The following SMARCA2 variants were observed in gnomAD, a reference collection of about 807,000 sequenced individuals.
The protein encoded by SMARCA2 is SWI/SNF-related matrix-associated actin-dependent regulator of chromatin subfamily A member 2.
A neutral mutation model predicts 199.8 loss-of-function variants in SMARCA2; 61 were observed. The ratio of observed to expected loss-of-function variants is 0.31; its 90% CI spans 0.25 to 0.38. The LOEUF is 0.38. Ranked by LOEUF, SMARCA2 falls within the 10% of genes least tolerant of loss-of-function variation. SMARCA2 has a pLI of 1.00. For synonymous variants in SMARCA2, 935 were observed against 732.0 expected (o/e 1.28, Z -4.48); for missense variants, 1,344 against 2,012.2 (o/e 0.67, Z 6.35).
chr9:2,097,636 A>C (rs1008522654), intron 21 of SMARCA2, among the ~76,000 whole-genome samples, 165 bp downstream of exon 21: 10 of 152,186 alleles, frequency 6.6e-5, no homozygotes, highest in Non-Finnish European at 1.0e-4. Flanking sequence ...ATTAACAAAC[A>C]TGAGTATTCT....
At chr9:2,073,409 C>T in intron 11 of SMARCA2, 67 bp downstream of exon 11, 1 of 1,592,456 alleles carries the variant, frequency 6.3e-7, no homozygotes, top group Non-Finnish European at 8.6e-7. Context: ...CTTGTACGAT[C>T]TCGAAACTAA....
intron 26 of SMARCA2, among the ~76,000 whole-genome samples, chr9:2,121,653 T>C (rs1174481608): frequency 1.3e-5 from 2 of 152,206 alleles, no homozygotes; most frequent in Non-Finnish European, 2.9e-5. Context: ...GCAAACTTAT[T>C]ATTTGATTTT....
intron 20 of SMARCA2, 70 bp from the exon 21 acceptor site, chr9:2,097,315 A>T: frequency 1.0e-6 from 1 of 966,686 alleles, no homozygotes; most frequent in Non-Finnish European, 1.6e-6. Flanking sequence ...TAAGAAGCCC[A>T]GTGTGAAGGA....
chr9:2,084,417 T>TGTGTGTGTGTG (rs3834888), intron 17 of SMARCA2, among the ~76,000 whole-genome samples: 4 of 147,686 alleles, frequency 2.7e-5, no homozygotes, highest in African/African-American at 1.0e-4. Flanking sequence ...TGTGTGTGTG[T>TGTGTGTGTGTG]TTATGATTGA....
chr9:2,146,231 C>CT lies in SMARCA2; in HGVS notation c.3982-15449dup, dbSNP rs550533072. On this transcript the variant is annotated intron_variant, in intron 27 of 33. Transcript: ENST00000349721. ...AAGGGACATGGGAGCTCTTTGGGGT[C>CT]TTTTTTAATAAGGGCACTATTCCCA... 3.5e-4 allele frequency among the ~76,000 whole-genome samples: 53 copies of CT among 152,108 alleles called. 2 individuals carry two copies. The East Asian group carries it at 0.01, about 29-fold the overall frequency.
intron 5 of SMARCA2, among the ~76,000 whole-genome samples, chr9:2,050,288 A>G (rs1820058278): frequency 6.6e-6 from 1 of 151,152 alleles, no homozygotes. Context: ...TATTACTTCC[A>G]TAGTAAGTGT....
chr9:2,078,294 A>AT, intron 14 of SMARCA2, among the ~76,000 whole-genome samples: 1 of 152,074 alleles, frequency 6.6e-6, no homozygotes, highest in East Asian at 1.9e-4. Context: ...CAACATGGTG[A>AT]AACCCTCTCT....
chr9:2,088,879 A>ATTTTTT (rs375056248), intron 19 of SMARCA2, among the ~76,000 whole-genome samples: 65 of 137,968 alleles, frequency 4.7e-4, no homozygotes, highest in Non-Finnish European at 6.4e-4. Context: ...TTAATTTTAG[A>ATTTTTT]TTTTTTTTTT....
At chr9:2,128,866 C>T (rs1334540595) in intron 27 of SMARCA2, among the ~76,000 whole-genome samples, 2 of 152,126 alleles carry the variant, frequency 1.3e-5, no homozygotes, top group East Asian at 3.9e-4. Context: ...GCATTTCAAC[C>T]CAGCTGCAAT....
intron 27 of SMARCA2, among the ~76,000 whole-genome samples, chr9:2,137,903 G>T (rs1824279068): frequency 6.6e-6 from 1 of 152,152 alleles, no homozygotes; most frequent in African/African-American, 2.4e-5. Context: ...GGTAGAAATT[G>T]TCATTCTCTC....
intron 29 of SMARCA2, among the ~76,000 whole-genome samples, chr9:2,174,779 G>A (rs113124485): frequency 1.3e-5 from 2 of 151,682 alleles, no homozygotes; most frequent in Admixed American, 6.6e-5. Context: ...AATGAGGTGG[G>A]TGTGGTGGCA....
chr9:2,098,985 G>A (rs576210282), intron 21 of SMARCA2, among the ~76,000 whole-genome samples: 1 of 151,640 alleles, frequency 6.6e-6, no homozygotes, highest in Non-Finnish European at 1.5e-5. Context: ...TACATGTATT[G>A]TTGAAGGGGA....
At chr9:2,151,083 A>G (rs1825043877) in intron 27 of SMARCA2, among the ~76,000 whole-genome samples, 1 of 151,466 alleles carries the variant, frequency 6.6e-6, no homozygotes, top group Non-Finnish European at 1.5e-5. Context: ...TGCACATAAA[A>G]CACAGACTTT....
rs1473763469 is a variant in SMARCA2 at position 2,182,013 on chromosome 9, G to GT, written c.4360-127dup. The GT allele has an allele frequency of 8.0e-6, 6 of 751,016 alleles. No homozygotes were observed. In the African/African-American group the frequency reaches 1.0e-4, roughly 13 times the overall value. The allele number at this position is 751,016 out of a possible 1,614,324, so 46.5% of individuals were successfully genotyped here. A position where few individuals can be genotyped will look rare whatever the true frequency, so the allele number is the denominator to read the frequency against. ...GAATGGCGCCCCCTGGGGTTATGCA[G>GT]TCCCAGATCCCTGGCAGGGCTTTAT... On this transcript the variant is annotated intron_variant, in intron 30 of 33. Coordinates refer to ENST00000349721, the MANE Select transcript of SMARCA2 (RefSeq NM_003070.5).
At chr9:2,071,526 T>C (rs546458585) in intron 10 of SMARCA2, among the ~76,000 whole-genome samples, 1 of 152,360 alleles carries the variant, frequency 6.6e-6, no homozygotes, top group East Asian at 1.9e-4. Context: ...AATAGTGTTC[T>C]TATATCTTAT....
intron 2 of SMARCA2, chr9:2,032,737 C>G: frequency 7.5e-6 from 3 of 400,390 alleles, no homozygotes; most frequent in East Asian, 4.2e-5. Context: ...AACAAACAAA[C>G]AAACAAAAAA....
intron 27 of SMARCA2, among the ~76,000 whole-genome samples, chr9:2,126,633 A>G (rs970190248): frequency 7.2e-5 from 11 of 152,222 alleles, no homozygotes; most frequent in Non-Finnish European, 1.3e-4. Flanking sequence ...CCGTCGTGTA[A>G]GAAATGCTGT....
At chr9:2,093,350 C>G (rs1383131888) in intron 19 of SMARCA2, among the ~76,000 whole-genome samples, 1 of 152,190 alleles carries the variant, frequency 6.6e-6, no homozygotes, top group East Asian at 1.9e-4. Flanking sequence ...AAAGTCTTCA[C>G]TGATATTTAA....
chr9:2,154,867 A>G (rs537524484), intron 27 of SMARCA2, among the ~76,000 whole-genome samples: 1 of 152,222 alleles, frequency 6.6e-6, no homozygotes, highest in Non-Finnish European at 1.5e-5. Context: ...GAAGTGGCCC[A>G]GGCCCTTCTG....
Sources: gnomAD v4.1 joint callset for allele counts (sites outside exome capture counted in the v4.1 genomes callset) on GRCh38, gnomAD v4.1.1 for gene constraint, MANE v1.5 for transcripts, NCBI Gene and HGNC (gene_info 2026-07-23, HGNC 2026-07-21) for gene names.